Variants in CPEB3 observed in about 807,000 individuals in gnomAD.
The protein encoded by CPEB3 is cytoplasmic polyadenylation element binding protein 3.
CPEB3 carries 20 observed loss-of-function variants against 67.2 expected under a neutral mutation model. That is an observed-to-expected ratio of 0.30 (90% CI 0.21 to 0.43). CPEB3 has a LOEUF of 0.43. Ranked by LOEUF, CPEB3 falls within the 20% of genes least tolerant of loss-of-function variation. The pLI, the probability that CPEB3 is intolerant of heterozygous loss-of-function variation, is 1.00. For missense variants in CPEB3, 746 were observed against 968.6 expected (o/e 0.77, Z 3.05); for synonymous variants, 376 against 393.1 (o/e 0.96, Z 0.51).
intron 2 of CPEB3, among the ~76,000 whole-genome samples, chr10:92,228,702 T>TTA (rs533425344): frequency 0.064 from 9,674 of 150,958 alleles, 1,023 homozygotes; most frequent in African/African-American, 0.22. Context: ...TTTGTCGAAT[T>TTA]TATATATATA....
At chr10:92,263,077 T>C (rs1852880563) in intron 1 of CPEB3, among the ~76,000 whole-genome samples, 1 of 152,090 alleles carries the variant, frequency 6.6e-6, no homozygotes, top group Non-Finnish European at 1.5e-5. Context: ...GCCGAAAGCA[T>C]TTTTTTGTTG....
At chr10:92,291,167 A>C (rs1719312321), upstream of CPEB3, 2 of 453,934 alleles carry the variant, frequency 4.4e-6, no homozygotes, top group African/African-American at 4.2e-5. Flanking sequence ...GGCGACTCTT[A>C]CCTCACAAAG....
At chr10:92,072,757 A>G (rs1022746247) in intron 9 of CPEB3, among the ~76,000 whole-genome samples, 2 of 152,180 alleles carry the variant, frequency 1.3e-5, no homozygotes, top group African/African-American at 4.8e-5. Flanking sequence ...TCCCCCACTT[A>G]CATACTAATG....
chr10:92,047,766 A>G lies in CPEB3; in HGVS notation c.*4446T>C, dbSNP rs1004406353. 12 of 152,218 alleles carry G rather than the reference A, an allele frequency of 7.9e-5. No homozygotes were observed. The highest frequency in any genetic ancestry group is 2.9e-4 in the African/African-American group (12 of 41,454). 9.4% of individuals were successfully genotyped at this position (152,218 alleles called of 1,614,324 possible). On this transcript the variant is annotated 3_prime_UTR_variant, in exon 10 of 10. Transcript: ENST00000265997. ...ACTGAATACATAGAGCATACCCAAG[A>G]CCAACTCTGGACACAAGTTTCTCTG...
intron 3 of CPEB3, among the ~76,000 whole-genome samples, chr10:92,181,302 T>C (rs1205029004): frequency 6.8e-6 from 1 of 146,542 alleles, no homozygotes; most frequent in Non-Finnish European, 1.5e-5. Context: ...AATTTAAACA[T>C]GCCAACTCCT....
chr10:92,161,889 C>A (rs1847502675), intron 4 of CPEB3, among the ~76,000 whole-genome samples: 1 of 152,048 alleles, frequency 6.6e-6, no homozygotes, highest in Non-Finnish European at 1.5e-5. Context: ...TCTCGAACTC[C>A]TGACCTTGTG....
At chr10:92,261,931 T>C (rs1005451297) in intron 1 of CPEB3, among the ~76,000 whole-genome samples, 26 of 152,338 alleles carry the variant, frequency 1.7e-4, no homozygotes, top group South Asian at 4.1e-4. Flanking sequence ...GCAAGCCTTT[T>C]CAACTATACT....
At chr10:92,130,136 C>T (rs367848403) in intron 6 of CPEB3, among the ~76,000 whole-genome samples, 1 of 151,592 alleles carries the variant, frequency 6.6e-6, no homozygotes, top group South Asian at 2.1e-4. Context: ...GCATGATAGT[C>T]CTCTGCTTGG....
At chr10:92,145,808 T>A (rs1846651896) in intron 4 of CPEB3, among the ~76,000 whole-genome samples, 1 of 152,192 alleles carries the variant, frequency 6.6e-6, no homozygotes, top group African/African-American at 2.4e-5. Flanking sequence ...ATCCACAGAT[T>A]TTTATCTGCT....
chr10:92,159,821 C>T (rs1037638666), intron 4 of CPEB3, among the ~76,000 whole-genome samples: 29 of 152,338 alleles, frequency 1.9e-4, no homozygotes, highest in African/African-American at 7.0e-4. Flanking sequence ...ATCAGACTTG[C>T]CCTCACTCCA....
chr10:92,171,193 A>C (rs1300350667), intron 4 of CPEB3, among the ~76,000 whole-genome samples: 1 of 152,222 alleles, frequency 6.6e-6, no homozygotes, highest in Non-Finnish European at 1.5e-5. Context: ...GAAGGGCTGC[A>C]GTAGCATGGA....
At chr10:92,270,934 G>A (rs1330718648) in intron 1 of CPEB3, among the ~76,000 whole-genome samples, 3 of 152,130 alleles carry the variant, frequency 2.0e-5, no homozygotes, top group African/African-American at 7.2e-5. Flanking sequence ...CCCAGAACTT[G>A]GGGAGGCCAA....
chr10:92,217,231 A>AAAAAAAAC, intron 2 of CPEB3, among the ~76,000 whole-genome samples: 2 of 136,150 alleles, frequency 1.5e-5, no homozygotes, highest in African/African-American at 6.2e-5. Context: ...AAAAAAAAAA[A>AAAAAAAAC]AAATTATATA....
At chr10:92,082,460 A>G (rs1353321815) in intron 8 of CPEB3, among the ~76,000 whole-genome samples, 2 of 151,924 alleles carry the variant, frequency 1.3e-5, no homozygotes, top group African/African-American at 4.8e-5. Flanking sequence ...TTGTATTTTT[A>G]GTAGAGATGG....
intron 6 of CPEB3, among the ~76,000 whole-genome samples, chr10:92,119,585 G>C (rs143897090): frequency 6.6e-6 from 1 of 152,154 alleles, no homozygotes; most frequent in African/African-American, 2.4e-5. Flanking sequence ...CTGGCTTAAA[G>C]GACAATTCTG....
chr10:92,256,393 C>CTT (rs1185030211), intron 1 of CPEB3, among the ~76,000 whole-genome samples: 6 of 141,980 alleles, frequency 4.2e-5, no homozygotes, highest in African/African-American at 5.1e-5. Flanking sequence ...AACCTTTTTT[C>CTT]TTTTTTTTTT....
At chr10:92,096,215 C>A (rs886868939) in intron 7 of CPEB3, among the ~76,000 whole-genome samples, 1 of 151,950 alleles carries the variant, frequency 6.6e-6, no homozygotes, top group Non-Finnish European at 1.5e-5. Context: ...AACAATAATA[C>A]AAATTTTAAA....
intron 3 of CPEB3, among the ~76,000 whole-genome samples, chr10:92,187,706 G>A (rs1054840610): frequency 6.6e-6 from 1 of 152,180 alleles, no homozygotes; most frequent in East Asian, 1.9e-4. Context: ...TCAAGGAACA[G>A]CTATAAAGAA....
chr10:92,059,979 A>G (rs117956876), intron 9 of CPEB3, among the ~76,000 whole-genome samples: 1,699 of 151,826 alleles, frequency 0.011, 17 homozygotes, highest in Middle Eastern at 0.086. Context: ...AATCAATCAT[A>G]TCAACAGAAT....
Sources: allele counts gnomAD v4.1 joint callset (sites outside exome capture counted in the v4.1 genomes callset), GRCh38; gene constraint gnomAD v4.1.1; transcripts MANE v1.5; gene names NCBI Gene and HGNC (gene_info 2026-07-23, HGNC 2026-07-21).